The following MICU1 variants were observed in gnomAD, a reference collection of about 807,000 sequenced individuals.
MICU1 encodes calcium uptake protein 1, mitochondrial.
In MICU1, 45 loss-of-function variants were observed where a neutral mutation model predicts 56.8. The observed-to-expected ratio is 0.79, with a 90% CI of 0.62 to 1.02. MICU1 has a LOEUF of 1.02. Among genes scored for constraint, MICU1 ranks in the 50% least tolerant of loss-of-function variants. The probability of loss-of-function intolerance (pLI) is 0.00; values close to 1 mark genes in which losing one functional copy is unlikely to be tolerated. For missense variants in MICU1, 504 were observed against 587.1 expected (o/e 0.86, Z 1.46); for synonymous variants, 186 against 195.1 (o/e 0.95, Z 0.39).
In MICU1 at chr10:72,551,195, A is replaced by G. The variant is rs1330771436; in HGVS notation, c.477T>C (p.Asn159=). The change falls in exon 4 of 12, where the codon AAT becomes AAC. Residue 159 remains asparagine (N), a synonymous_variant. Transcript: ENST00000361114. ...PEDFVRSITP[N]EKQPEHLGLD... is the part of the protein sequence containing the mutation. ...GCAACTTACGTTCTGGTTGTTTTTC[A>G]TTGGGTGTTATGGATCGCACAAAAT... 1 of 1,598,702 alleles carries G rather than the reference A, an allele frequency of 6.3e-7. No individual in the cohort carries two copies. Among genetic ancestry groups the G allele is most frequent in the South Asian group, 1.1e-5 (1 of 88,266 alleles).
chr10:72,496,300 C>CT lies in MICU1; in HGVS notation c.652+11854dup, dbSNP rs565571067. On this transcript the variant is annotated intron_variant, in intron 6 of 11. Transcript: ENST00000361114. ...ATGTGCCACCACGCCTGGCTAATTC[C>CT]TTTTTTTTTTTTTTTTTCCGAGACA... Among the ~76,000 whole-genome samples, 592 of 134,272 alleles carry CT rather than the reference C, an allele frequency of 4.4e-3. 3 individuals carry two copies. The highest frequency in any genetic ancestry group is 9.0e-3 in the African/African-American group (325 of 35,954). 88.1% of individuals were successfully genotyped at this position (134,272 alleles called of 152,430 possible).
At chr10:72,410,388 G>A (rs145303044) in intron 9 of MICU1, among the ~76,000 whole-genome samples, 66 of 152,146 alleles carry the variant, frequency 4.3e-4, no homozygotes, top group African/African-American at 1.2e-3. Context: ...TGGCCGAGGC[G>A]GGCAGATCAC....
intron 8 of MICU1, among the ~76,000 whole-genome samples, chr10:72,453,369 G>A (rs879721749): frequency 1.3e-5 from 2 of 152,150 alleles, no homozygotes; most frequent in Non-Finnish European, 2.9e-5. Context: ...AAGCTGTGGA[G>A]CTATTATACT....
chr10:72,392,666 C>T (rs1863118326), intron 10 of MICU1, among the ~76,000 whole-genome samples: 1 of 152,234 alleles, frequency 6.6e-6, no homozygotes, highest in Non-Finnish European at 1.5e-5. Flanking sequence ...CAAATTCAGG[C>T]AGTCTGACTT....
At chr10:72,524,808 T>A in intron 5 of MICU1, 2 of 1,033,112 alleles carry the variant, frequency 1.9e-6, no homozygotes, top group Non-Finnish European at 2.5e-6. Flanking sequence ...AACAAACTAA[T>A]CAAATATACA....
At chr10:72,382,710 A>C (rs1862756889) in intron 10 of MICU1, among the ~76,000 whole-genome samples, 1 of 152,004 alleles carries the variant, frequency 6.6e-6, no homozygotes, top group East Asian at 1.9e-4. Flanking sequence ...GGAATTCAAG[A>C]CCAGACTGGC....
intron 9 of MICU1, 47 bp downstream of exon 9, chr10:72,423,187 C>T (rs762113523): frequency 6.3e-7 from 1 of 1,587,530 alleles, no homozygotes; most frequent in East Asian, 2.2e-5. Flanking sequence ...AAATAATAAC[C>T]ATACATTACC....
At chr10:72,615,063 C>T (rs749928360) in intron 1 of MICU1, among the ~76,000 whole-genome samples, 6 of 151,568 alleles carry the variant, frequency 4.0e-5, no homozygotes, top group East Asian at 1.9e-4. Context: ...TTTCATACTG[C>T]GGATTTGTCT....
intron 1 of MICU1, among the ~76,000 whole-genome samples, chr10:72,617,243 A>G (rs1357591287): frequency 6.6e-6 from 1 of 152,164 alleles, no homozygotes; most frequent in African/African-American, 2.4e-5. Context: ...CTCTCCAAAA[A>G]TATGGACTTT....
chr10:72,441,129 A>G (rs1864910448), intron 8 of MICU1, among the ~76,000 whole-genome samples: 1 of 152,192 alleles, frequency 6.6e-6, no homozygotes, highest in South Asian at 2.1e-4. Flanking sequence ...TACTCACAAT[A>G]GCAAAGACTT....
At chr10:72,403,629 T>TTGTGTGTGTGTG (rs60373032) in intron 10 of MICU1, among the ~76,000 whole-genome samples, 1,746 of 139,898 alleles carry the variant, frequency 0.012, 15 homozygotes, top group Non-Finnish European at 0.015. Flanking sequence ...CATACCAAAA[T>TTGTGTGTGTGTG]TGTGTGTGTG....
chr10:72,532,605 G>A (rs947772880), intron 5 of MICU1, among the ~76,000 whole-genome samples: 8 of 152,126 alleles, frequency 5.3e-5, no homozygotes, highest in African/African-American at 1.9e-4. Flanking sequence ...AGACACCAAG[G>A]ATCAGAGAAA....
chr10:72,533,032 T>C (rs890484402), intron 5 of MICU1: 1 of 1,289,362 alleles, frequency 7.8e-7, no homozygotes, highest in Non-Finnish European at 1.0e-6. Flanking sequence ...TCTGACTTCC[T>C]GTTCATTGTG....
chr10:72,538,565 A>G (rs1250881645), intron 4 of MICU1, among the ~76,000 whole-genome samples: 1 of 152,140 alleles, frequency 6.6e-6, no homozygotes, highest in Non-Finnish European at 1.5e-5. Context: ...CACGGTAGCC[A>G]CAAAGAAAAA....
chr10:72,571,980 T>A, intron 1 of MICU1, among the ~76,000 whole-genome samples: 1 of 147,978 alleles, frequency 6.8e-6, no homozygotes, highest in South Asian at 2.1e-4. Flanking sequence ...AGAAATAAAT[T>A]AAAACAATAA....
At chr10:72,604,269 C>A (rs1038794852) in intron 1 of MICU1, among the ~76,000 whole-genome samples, 1 of 146,760 alleles carries the variant, frequency 6.8e-6, no homozygotes, top group Middle Eastern at 3.3e-3. Context: ...TACTTTCCTG[C>A]CCTTTTTTTT....
intron 9 of MICU1, among the ~76,000 whole-genome samples, chr10:72,410,203 C>T (rs1384787559): frequency 1.3e-5 from 2 of 152,112 alleles, no homozygotes; most frequent in Non-Finnish European, 2.9e-5. Context: ...ATTTTTATTG[C>T]TATAAAGTAT....
chr10:72,389,925 T>A (rs754672690), intron 10 of MICU1, among the ~76,000 whole-genome samples: 1 of 152,230 alleles, frequency 6.6e-6, no homozygotes, highest in Non-Finnish European at 1.5e-5. Flanking sequence ...TGAGAGGTCA[T>A]AGATCTAATT....
chr10:72,442,578 G>A lies in MICU1; in HGVS notation c.934-19207C>T, dbSNP rs560117266. On this transcript the variant is annotated intron_variant, in intron 8 of 11. Transcript: ENST00000361114. ...GGCTCTAAAAGACGACTTGTTTTAT[G>A]CTAAGCGTTTGTGCTTTTCTTTATG... Among the ~76,000 whole-genome samples, 5 of 152,250 alleles carry A rather than the reference G, an allele frequency of 3.3e-5. No homozygotes were observed. The East Asian group carries it at 9.6e-4, about 29-fold the overall frequency.
Sources: gnomAD v4.1 joint callset for allele counts (sites outside exome capture counted in the v4.1 genomes callset) on GRCh38, gnomAD v4.1.1 for gene constraint, MANE v1.5 for transcripts, NCBI Gene and HGNC (gene_info 2026-07-23, HGNC 2026-07-21) for gene names.